SPMIP2: variants seen among roughly 807,000 people sequenced by gnomAD.
The protein encoded by SPMIP2 is sperm microtubule inner protein 2.
chr4:159,034,897 A>G, the SPMIP2 span: 4 of 691,230 alleles, frequency 5.8e-6, no homozygotes, highest in Non-Finnish European at 9.5e-6. Flanking sequence ...TCTCAAAAAA[A>G]AAAACCCAAA....
chr4:159,051,794 T>C, the SPMIP2 span, among the ~76,000 whole-genome samples: 1 of 152,234 alleles, frequency 6.6e-6, no homozygotes, highest in Non-Finnish European at 1.5e-5. Flanking sequence ...GGTACCCAGC[T>C]GCGTGCTGAA....
At chr4:158,927,130 C>A in the SPMIP2 span, among the ~76,000 whole-genome samples, 1,539 of 152,284 alleles carry the variant, frequency 0.01, 8 homozygotes, top group Middle Eastern at 0.017. Flanking sequence ...GTTAGGTACA[C>A]ATTTATTTAT....
At chr4:158,928,426 A>G in the SPMIP2 span, among the ~76,000 whole-genome samples, 568 of 149,504 alleles carry the variant, frequency 3.8e-3, 2 homozygotes, top group African/African-American at 0.013. Context: ...GAATGCACCA[A>G]TCGACACTCT....
At chr4:158,969,544 G>A in the SPMIP2 span, among the ~76,000 whole-genome samples, 2 of 152,268 alleles carry the variant, frequency 1.3e-5, no homozygotes, top group South Asian at 2.1e-4. Context: ...AGAGGAACTC[G>A]ATCTTGTGAT....
chr4:159,033,308 G>C, the SPMIP2 span, among the ~76,000 whole-genome samples: 3 of 151,638 alleles, frequency 2.0e-5, no homozygotes, highest in African/African-American at 4.9e-5. Flanking sequence ...AGGGGGAGGG[G>C]GGAATGAATA....
the SPMIP2 span, among the ~76,000 whole-genome samples, chr4:159,053,167 G>A: frequency 2.0e-5 from 3 of 150,614 alleles, no homozygotes; most frequent in South Asian, 2.1e-4. Context: ...CGTTTTAGCC[G>A]GGATGGTCTC....
the SPMIP2 span, among the ~76,000 whole-genome samples, chr4:158,982,976 G>A: frequency 3.9e-5 from 6 of 152,154 alleles, no homozygotes; most frequent in East Asian, 1.9e-4. Flanking sequence ...AGGAGCTGAC[G>A]GAGCTGAAAG....
the SPMIP2 span, among the ~76,000 whole-genome samples, chr4:158,924,373 G>C: frequency 6.6e-6 from 1 of 152,152 alleles, no homozygotes; most frequent in East Asian, 1.9e-4. Context: ...CATATGGATG[G>C]TTTTTGTTTG....
chr4:159,070,731 G>A, the SPMIP2 span, among the ~76,000 whole-genome samples: 2 of 152,148 alleles, frequency 1.3e-5, no homozygotes, highest in Admixed American at 6.5e-5. Context: ...GCTGTGAAAT[G>A]GAGACATGCT....
the SPMIP2 span, among the ~76,000 whole-genome samples, chr4:159,027,350 A>T: frequency 6.6e-6 from 1 of 152,140 alleles, no homozygotes; most frequent in Non-Finnish European, 1.5e-5. Context: ...TTAGCTTTTA[A>T]TTTATTATTT....
At chr4:158,940,527 A>T in the SPMIP2 span, among the ~76,000 whole-genome samples, 2 of 148,456 alleles carry the variant, frequency 1.3e-5, no homozygotes, top group East Asian at 3.9e-4. Context: ...CAGGGTTTCC[A>T]AAGTGGTGAT....
the SPMIP2 span, among the ~76,000 whole-genome samples, chr4:159,052,608 G>GTCT: frequency 4.4e-5 from 6 of 135,578 alleles, no homozygotes; most frequent in Admixed American, 4.6e-4. Context: ...ATTATCTCAA[G>GTCT]ACTATTATTA....
the SPMIP2 span, among the ~76,000 whole-genome samples, chr4:158,993,053 G>T: frequency 6.6e-6 from 1 of 152,064 alleles, no homozygotes; most frequent in Admixed American, 6.6e-5. Flanking sequence ...TGTCCAGTCA[G>T]TCCAACAAAC....
chr4:158,973,355 C>G, the SPMIP2 span: 10 of 1,242,850 alleles, frequency 8.0e-6, no homozygotes, highest in Non-Finnish European at 1.1e-5. Context: ...ACACTTTATT[C>G]TAAGATACTT....
At chr4:159,031,545 A>T in the SPMIP2 span, among the ~76,000 whole-genome samples, 3 of 152,244 alleles carry the variant, frequency 2.0e-5, no homozygotes, top group Non-Finnish European at 4.4e-5. Flanking sequence ...TCTCAAAATC[A>T]ACTGTAAAAA....
At chr4:158,998,713 G>A in the SPMIP2 span, among the ~76,000 whole-genome samples, 5 of 152,088 alleles carry the variant, frequency 3.3e-5, no homozygotes, top group African/African-American at 4.8e-5. Flanking sequence ...GAATCGCGCC[G>A]GTTTTACCCA....
the SPMIP2 span, among the ~76,000 whole-genome samples, chr4:159,073,366 C>A: frequency 1.3e-5 from 2 of 152,080 alleles, no homozygotes; most frequent in African/African-American, 4.8e-5. Flanking sequence ...GTTGCCCAAG[C>A]TGTTCTCAAA....
chr4:159,034,939 A>T, the SPMIP2 span: 2 of 880,542 alleles, frequency 2.3e-6, no homozygotes, highest in South Asian at 3.3e-5. Flanking sequence ...ATATGTGATC[A>T]TTGCATTGTT....
the SPMIP2 span, among the ~76,000 whole-genome samples, chr4:159,029,561 A>G: frequency 5.3e-5 from 8 of 152,372 alleles, no homozygotes; most frequent in South Asian, 1.7e-3. Context: ...TCTGCAATGT[A>G]GGAAGTAACT....
Sources: gnomAD v4.1 joint callset for allele counts (sites outside exome capture counted in the v4.1 genomes callset) on GRCh38, gnomAD v4.1.1 for gene constraint, MANE v1.5 for transcripts, NCBI Gene and HGNC (gene_info 2026-07-23, HGNC 2026-07-21) for gene names.